BOC: variants seen among roughly 807,000 people sequenced by gnomAD.
BOC encodes the protein BOC cell adhesion associated, oncogene regulated.
BOC carries 76 observed loss-of-function variants against 112.0 expected under a neutral mutation model. The observed-to-expected ratio is 0.68, with a 90% CI of 0.56 to 0.82. The LOEUF (loss-of-function observed/expected upper bound fraction) is 0.82. Among genes scored for constraint, BOC ranks in the 40% least tolerant of loss-of-function variants. BOC has a pLI of 0.00. For missense variants in BOC, 1,309 were observed against 1,511.7 expected, an observed-to-expected ratio of 0.87 and a Z score of 2.22; for synonymous variants, 580 against 599.8, an observed-to-expected ratio of 0.97 and a Z score of 0.48.
At chr3:113,269,589 C>T (rs1167233485) in intron 5 of BOC, 8 of 151,976 alleles carry the variant, frequency 5.3e-5, no homozygotes, top group Admixed American at 3.9e-4. Context: ...GAGTTTTTAT[C>T]AACTCTTTCT....
chr3:113,280,492 A>G (rs1450518742), intron 13 of BOC, 66 bp from the exon 14 acceptor site: 4 of 1,124,178 alleles, frequency 3.6e-6, no homozygotes, highest in Non-Finnish European at 5.4e-6. Flanking sequence ...TTCATACACC[A>G]GTGGTTTTGC....
At chr3:113,229,161 T>TC (rs1942185824) in intron 2 of BOC, among the ~76,000 whole-genome samples, 1 of 152,162 alleles carries the variant, frequency 6.6e-6, no homozygotes, top group African/African-American at 2.4e-5. Context: ...GAAAATCGAC[T>TC]CCTTCGGGAA....
At chr3:113,225,645 A>G (rs975008357) in intron 2 of BOC, among the ~76,000 whole-genome samples, 1 of 152,214 alleles carries the variant, frequency 6.6e-6, no homozygotes, top group Admixed American at 6.5e-5. Flanking sequence ...TGTGCCTAAG[A>G]CTGTGAATGC....
At chr3:113,275,497 A>C (rs528853688) in intron 9 of BOC, among the ~76,000 whole-genome samples, 1 of 152,272 alleles carries the variant, frequency 6.6e-6, no homozygotes, top group Non-Finnish European at 1.5e-5. Context: ...ATTCCCTGTA[A>C]GAAAATGTCC....
rs1948853587 is a variant in BOC at position 113,278,290 on chromosome 3, T to C, written c.1705+33T>C. On this transcript the variant is annotated intron_variant, in intron 10 of 19. Coordinates refer to ENST00000682979, the MANE Select transcript of BOC (RefSeq NM_001378074.1). The surrounding 1 kb of genome is among the most constrained non-coding windows in gnomAD (Gnocchi z 4.2). The stretch of plus-strand genomic sequence containing the variant: ...TCAAACATTGCCCCTTGCTTAGGGT[T>C]TCCGTGGGTCTAAGCAAGTTCCACT... The C allele has an allele frequency of 6.2e-7, 1 of 1,610,686 alleles. No individual in the cohort carries two copies. Among genetic ancestry groups the C allele is most frequent in the Non-Finnish European group, 8.5e-7 (1 of 1,177,406 alleles).
chr3:113,277,595 T>C (rs1423357186), intron 9 of BOC, among the ~76,000 whole-genome samples: 1 of 152,258 alleles, frequency 6.6e-6, no homozygotes, highest in Admixed American at 6.5e-5. Flanking sequence ...GAAAAGGAAG[T>C]AGCACCTATA....
At chr3:113,285,317 G>A in intron 18 of BOC, 55 bp from the exon 19 acceptor site, 1 of 1,567,910 alleles carries the variant, frequency 6.4e-7, no homozygotes, top group South Asian at 1.1e-5. Context: ...GGGGGATGGG[G>A]CGACAGGCCC....
At chr3:113,249,233 C>T (rs1439260379) in intron 2 of BOC, among the ~76,000 whole-genome samples, 1 of 152,208 alleles carries the variant, frequency 6.6e-6, no homozygotes, top group African/African-American at 2.4e-5. Context: ...CCTGCAAGGG[C>T]GTTCTGTATG....
chr3:113,249,374 G>C (rs1278920875), intron 2 of BOC, among the ~76,000 whole-genome samples: 1 of 152,228 alleles, frequency 6.6e-6, no homozygotes, highest in Non-Finnish European at 1.5e-5. Flanking sequence ...ATCTGTGCCA[G>C]ATAGTCACTG....
At chr3:113,251,744 A>G (rs1161102121) in intron 4 of BOC, 1 of 152,214 alleles carries the variant, frequency 6.6e-6, no homozygotes, top group Admixed American at 6.5e-5. Context: ...TTCCATTTCC[A>G]TGTGCTCACT....
chr3:113,261,676 C>T (rs1946891334), intron 4 of BOC: 1 of 152,250 alleles, frequency 6.6e-6, no homozygotes, highest in South Asian at 2.1e-4. Context: ...CCTGAAGCCT[C>T]AGGCCAATTC....
chr3:113,274,886 C>T lies in BOC; in HGVS notation c.1542+204C>T, dbSNP rs1170498444. Among the ~76,000 whole-genome samples, 1 of 152,150 alleles carries T rather than the reference C, an allele frequency of 6.6e-6. No homozygotes were observed. The highest frequency in any genetic ancestry group is 2.4e-5 in the African/African-American group (1 of 41,434). On this transcript the variant is annotated intron_variant, in intron 9 of 19. Transcript: ENST00000682979. The surrounding 1 kb of genome is among the most constrained non-coding windows in gnomAD (Gnocchi z 4.8). ...TGGTTGTAAGATGGGTGTGTGGGACCCTGGAAGGCCCAGGAAAAAGCCTTG... is the reference window on the plus strand; with the variant it reads ...TGGTTGTAAGATGGGTGTGTGGGACTCTGGAAGGCCCAGGAAAAAGCCTTG...
rs777922134 is a variant in BOC, at chr3:113,270,945, G to A, written c.667+1G>A. 6.2e-6 allele frequency: 10 copies of A among 1,614,024 alleles called. No homozygotes were observed. The highest frequency in any genetic ancestry group is 4.5e-5 in the East Asian group (2 of 44,892). ...TCCAGCGACAGGCTACGTGTGCGCC[G>A]TAAGGCCCGGGCCCACCTGCTGGGG... is the stretch of plus-strand genomic sequence containing the variant. On this transcript the variant is annotated splice_donor_variant, in intron 6 of 19. Coordinates refer to ENST00000682979, the MANE Select transcript of BOC (RefSeq NM_001378074.1). LOFTEE classifies it high-confidence loss of function.
At chr3:113,213,611 G>A (rs1938704228) in intron 1 of BOC, among the ~76,000 whole-genome samples, 1 of 152,152 alleles carries the variant, frequency 6.6e-6, no homozygotes, top group South Asian at 2.1e-4. Context: ...GTAAATCTGA[G>A]GCAAGAGGTT....
At chr3:113,253,061 G>GAT (rs1469507071) in intron 4 of BOC, among the ~76,000 whole-genome samples, 1 of 151,994 alleles carries the variant, frequency 6.6e-6, no homozygotes, top group Non-Finnish European at 1.5e-5. Context: ...GAATGTTTAG[G>GAT]ATATATATAA....
At chr3:113,232,575 G>A (rs1037930436) in intron 2 of BOC, among the ~76,000 whole-genome samples, 5 of 148,064 alleles carry the variant, frequency 3.4e-5, no homozygotes, top group Non-Finnish European at 7.6e-5. Context: ...GTGTGTGTGT[G>A]TGTGTGTGTG....
In BOC at chr3:113,281,232, C is replaced by T. The variant is rs986929676; in HGVS notation, c.2434+79C>T. 67 of 1,521,758 alleles carry T rather than the reference C, an allele frequency of 4.4e-5. No individual in the cohort carries two copies. In the East Asian group the frequency reaches 6.6e-4, roughly 15 times the overall value. The allele number at this position is 1,521,758 out of a possible 1,614,324, so 94.3% of individuals were successfully genotyped here. ...AGAGTCACCATTCCCTGTGCCTGTG[C>T]GGTGCTGGGCCTCTTTCCCAGGAAG... On this transcript the variant is annotated intron_variant, in intron 15 of 19. Coordinates refer to ENST00000682979, the MANE Select transcript of BOC (RefSeq NM_001378074.1).
chr3:113,234,886 G>T (rs549763454), intron 2 of BOC, among the ~76,000 whole-genome samples: 118 of 152,338 alleles, frequency 7.7e-4, no homozygotes, highest in African/African-American at 2.6e-3. Flanking sequence ...GGGTTGGCTT[G>T]CTCCCTCGAG....
chr3:113,253,466 C>G (rs553773698), intron 4 of BOC, among the ~76,000 whole-genome samples: 8 of 151,306 alleles, frequency 5.3e-5, no homozygotes, highest in African/African-American at 7.3e-5. Flanking sequence ...CTAGCTGTCT[C>G]GGAGGCGGGA....
Sources: gnomAD v4.1 joint callset for allele counts (sites outside exome capture counted in the v4.1 genomes callset) on GRCh38, gnomAD v4.1.1 for gene constraint, Gnocchi (gnomAD v3.1) non-coding constraint, MANE v1.5 for transcripts, NCBI Gene and HGNC (gene_info 2026-07-23, HGNC 2026-07-21) for gene names.